Variants in TMED7 observed in about 807,000 individuals in gnomAD.
TMED7 encodes the protein transmembrane emp24 domain-containing protein 7.
In TMED7, 8 loss-of-function variants were observed where a neutral mutation model predicts 23.4. The observed-to-expected ratio is 0.34, with a 90% confidence interval of 0.20 to 0.62. TMED7 has a LOEUF of 0.62. TMED7 is among the 20% of genes least tolerant of loss of function. The pLI is 0.77. For missense variants in TMED7, 232 were observed against 279.1 expected, an observed-to-expected ratio of 0.83 and a Z score of 1.20; for synonymous variants, 121 against 108.5, an observed-to-expected ratio of 1.12 and a Z score of -0.72.
At chr5:115,618,044 G>A (rs950108626) in intron 2 of TMED7, among the ~76,000 whole-genome samples, 21 of 152,090 alleles carry the variant, frequency 1.4e-4, no homozygotes, top group African/African-American at 2.9e-4. Flanking sequence ...CGCCCGCCTC[G>A]GCCTCCCAAA....
In TMED7 at chr5:115,616,059, C is replaced by T; in HGVS notation, c.*150G>A. 1 of 779,320 alleles carries T rather than the reference C, an allele frequency of 1.3e-6. No individual in the cohort carries two copies. The allele number at this position is 779,320 out of a possible 1,614,324, so 48.3% of individuals were successfully genotyped here. ...CAAATAAAAAAAGGTGTCCTTTCCA[C>T]AGTTTGGGAATATGCATTGTACATC... On this transcript the variant is annotated 3_prime_UTR_variant, in exon 3 of 3. Coordinates refer to ENST00000456936, the MANE Select transcript of TMED7 (RefSeq NM_181836.6).
chr5:115,622,014 A>C (rs868017102), intron 1 of TMED7, among the ~76,000 whole-genome samples: 1 of 152,206 alleles, frequency 6.6e-6, no homozygotes, highest in African/African-American at 2.4e-5. Flanking sequence ...AAAATATGTA[A>C]ATGTTAATAT....
rs994815741 is a variant in TMED7, at chr5:115,616,436, C to G, written c.448G>C (p.Ala150Pro). The G allele has an allele frequency of 5.0e-6, 8 of 1,614,154 alleles. No homozygotes were observed. The highest frequency in any genetic ancestry group is 1.7e-5 in the Admixed American group (1 of 60,028). Residue 150 changes from alanine to proline, a missense_variant, in exon 3 of 3, where the codon GCC becomes CCC. By Grantham distance (27) the Ala-to-Pro change is conservative. This residue lies in a region of TMED7 where 126 missense variants were observed against 182.1 expected (regional missense o/e 0.69). Coordinates refer to ENST00000456936, the MANE Select transcript of TMED7 (RefSeq NM_181836.6). ...RVSALTQMESACVSIHEALKS... is the reference protein window; with the variant it reads ...RVSALTQMESPCVSIHEALKS... ...AGAGCTTCGTGAATTGAAACACAGG[C>G]AGATTCCATCTGCAGAGAAATATTT...
chr5:115,623,581 C>G (rs771151246), intron 1 of TMED7, among the ~76,000 whole-genome samples: 3 of 152,102 alleles, frequency 2.0e-5, no homozygotes, highest in Non-Finnish European at 4.4e-5. Context: ...TATTATTATT[C>G]AGTGTATTTT....
At position 115,625,866 on chromosome 5, in the gene TMED7, G is replaced by A; in HGVS notation, c.-74C>T. 3 of 1,332,310 alleles carry A rather than the reference G, an allele frequency of 2.3e-6. No homozygotes were observed. The highest frequency in any genetic ancestry group is 1.9e-6 in the Non-Finnish European group (2 of 1,048,362). The allele number at this position is 1,332,310 out of a possible 1,614,324, so 82.5% of individuals were successfully genotyped here. On this transcript the variant is annotated 5_prime_UTR_variant, in exon 1 of 3. Transcript: ENST00000456936. ...GGTCTGCGCGGACTCACCGCGCGCG[G>A]CAGGCCTCAGCGCAGGCCACCCCGC...
Position 115,616,321 on chromosome 5 carries a change from T to A in TMED7, c.563A>T (p.Tyr188Phe). 3 of 1,614,166 alleles carry A rather than the reference T, an allele frequency of 1.9e-6. No individual in the cohort carries two copies. The highest frequency in any genetic ancestry group is 2.5e-6 in the Non-Finnish European group (3 of 1,179,986). The part of the protein sequence containing the change: ...RAEDLNTRVA[Y>F]WSVGEALILL... ...AATGAGGGCTTCTCCTACTGACCAA[T>A]AGGCCACTCTTGTATTTAGATCCTC... Residue 188 changes from tyrosine to phenylalanine, a missense_variant, in exon 3 of 3, where the codon TAT (tyrosine) becomes TTT (phenylalanine). Physicochemically the swap from Tyr to Phe is conservative, Grantham distance 22. Around this residue, in one of 2 missense-constraint regions of TMED7, gnomAD observed 126 missense variants for 182.1 expected, o/e 0.69. Coordinates refer to ENST00000456936, the MANE Select transcript of TMED7 (RefSeq NM_181836.6).
chr5:115,622,754 A>G (rs1580458084), intron 1 of TMED7, among the ~76,000 whole-genome samples: 5 of 152,274 alleles, frequency 3.3e-5, no homozygotes, highest in Admixed American at 3.3e-4. Flanking sequence ...CCTCTTAACA[A>G]TGGTATACTA....
chr5:115,620,810 C>A, intron 1 of TMED7, 130 bp from the exon 2 acceptor site: 1 of 1,135,578 alleles, frequency 8.8e-7, no homozygotes. Flanking sequence ...AAATTTTCAC[C>A]AGTGGATGGA....
At position 115,625,987 on chromosome 5, in the gene TMED7, G is replaced by A. The variant is rs894504412; in HGVS notation, c.-195C>T. 3.6e-5 allele frequency: 25 copies of A among 696,828 alleles called. No individual in the cohort carries two copies. The highest frequency in any genetic ancestry group is 2.6e-5 in the Non-Finnish European group (13 of 494,068). The allele number at this position is 696,828 out of a possible 1,614,324, so 43.2% of individuals were successfully genotyped here. A position where few individuals can be genotyped will look rare whatever the true frequency, so the allele number is the denominator to read the frequency against. Reference sequence around the variant, plus strand: ...GAGGGGCGCAGACGGGCGGACCTGGGGAGGTAAAAGAGAAGCGGAAAAGGC... The same window carrying A: ...GAGGGGCGCAGACGGGCGGACCTGGAGAGGTAAAAGAGAAGCGGAAAAGGC... On this transcript the variant is annotated 5_prime_UTR_variant, in exon 1 of 3. Transcript: ENST00000456936.
intron 1 of TMED7, 54 bp from the exon 2 acceptor site, chr5:115,620,734 G>T (rs62371196): frequency 7.5e-7 from 1 of 1,331,822 alleles, no homozygotes; most frequent in Non-Finnish European, 9.7e-7. Flanking sequence ...AAATTAATCA[G>T]ATTTAATCAG....
Position 115,625,964 on chromosome 5 carries a change from G to A in TMED7, c.-172C>T. 3.2e-6 allele frequency: 3 copies of A among 947,340 alleles called. No individual in the cohort carries two copies. Among genetic ancestry groups the A allele is most frequent in the Non-Finnish European group, 4.2e-6 (3 of 719,840 alleles). 58.7% of individuals were successfully genotyped at this position (947,340 alleles called of 1,614,324 possible). On this transcript the variant is annotated 5_prime_UTR_variant, in exon 1 of 3. Coordinates refer to ENST00000456936, the MANE Select transcript of TMED7 (RefSeq NM_181836.6). ...AGAGCGACCCTCCGGCTTCCTGTGA[G>A]GGGCGCAGACGGGCGGACCTGGGGA...
intron 1 of TMED7, among the ~76,000 whole-genome samples, chr5:115,623,696 C>A (rs1757111507): frequency 6.6e-6 from 1 of 152,210 alleles, no homozygotes; most frequent in South Asian, 2.1e-4. Context: ...TCCTCTGCCG[C>A]CTTGTAGAGC....
intron 1 of TMED7, among the ~76,000 whole-genome samples, chr5:115,624,617 T>C (rs867129140): frequency 2.0e-5 from 3 of 152,174 alleles, no homozygotes; most frequent in Non-Finnish European, 4.4e-5. Flanking sequence ...CAAGACACTA[T>C]CTGGCCTGCC....
chr5:115,619,271 C>T (rs996575442), intron 2 of TMED7: 3 of 152,116 alleles, frequency 2.0e-5, no homozygotes, highest in African/African-American at 7.2e-5. Flanking sequence ...ATAAAGAGAA[C>T]ATTTCTAAAA....
In TMED7 at chr5:115,625,844, C is replaced by A. The variant is rs1005265020; in HGVS notation, c.-52G>T. ...CGAGCTGCGAGACGCAGGGTCAGGT[C>A]TGCGCGGACTCACCGCGCGCGGCAG... On this transcript the variant is annotated 5_prime_UTR_variant, in exon 1 of 3. Coordinates refer to ENST00000456936, the MANE Select transcript of TMED7 (RefSeq NM_181836.6). 5.9e-6 allele frequency: 8 copies of A among 1,350,008 alleles called. No individual in the cohort carries two copies. In the African/African-American group the frequency reaches 1.1e-4, roughly 18 times the overall value. 83.6% of individuals were successfully genotyped at this position (1,350,008 alleles called of 1,614,324 possible).
intron 1 of TMED7, among the ~76,000 whole-genome samples, chr5:115,625,114 C>T (rs907969940): frequency 6.6e-6 from 1 of 152,232 alleles, no homozygotes; most frequent in African/African-American, 2.4e-5. Context: ...CTTTCTACAA[C>T]TCCCTTGGCA....
At position 115,625,640 on chromosome 5, in the gene TMED7, C is replaced by G; in HGVS notation, c.153G>C (p.Glu51Asp). 1 of 1,601,162 alleles carries G rather than the reference C, an allele frequency of 6.2e-7. No individual in the cohort carries two copies. The highest frequency in any genetic ancestry group is 1.1e-5 in the South Asian group (1 of 89,128). The change falls in exon 1 of 3, where the codon GAG becomes GAC. Residue 51 changes from glutamate to aspartate, a missense_variant. By Grantham distance (45) the Glu-to-Asp change is conservative. Around this residue, in one of 2 missense-constraint regions of TMED7, gnomAD observed 106 missense variants for 97.0 expected, o/e 1.09. Transcript: ENST00000456936. Reference sequence around the variant, plus strand: ...TGCACTTGGTGCCCTGAGCGATGTCCTCGTAGAAGCACTGCTTGGCGTTGT... The same window carrying G: ...TGCACTTGGTGCCCTGAGCGATGTCGTCGTAGAAGCACTGCTTGGCGTTGT... ...LPDNAKQCFY[E>D]DIAQGTKCTL...
chr5:115,618,281 T>C (rs1190844684), intron 2 of TMED7, among the ~76,000 whole-genome samples: 1 of 152,222 alleles, frequency 6.6e-6, no homozygotes, highest in East Asian at 1.9e-4. Context: ...CAAATACTTT[T>C]ATACTTTATT....
Position 115,616,107 on chromosome 5 carries a change from A to G in TMED7, c.*102T>C. The stretch of plus-strand genomic sequence containing the variant: ...ATCCCTCCCAACAAGTGTATGAGTA[A>G]GGATTTAAAAATGTTGCCAATATTA... On this transcript the variant is annotated 3_prime_UTR_variant, in exon 3 of 3. Coordinates refer to ENST00000456936, the MANE Select transcript of TMED7 (RefSeq NM_181836.6). 9.0e-7 allele frequency: 1 copy of G among 1,115,434 alleles called. No homozygotes were observed. Among genetic ancestry groups the G allele is most frequent in the Non-Finnish European group, 1.3e-6 (1 of 751,634 alleles). 69.1% of individuals were successfully genotyped at this position (1,115,434 alleles called of 1,614,324 possible).
Sources: allele counts gnomAD v4.1 joint callset (sites outside exome capture counted in the v4.1 genomes callset), GRCh38; gene constraint gnomAD v4.1.1; regional missense constraint gnomAD v4.1.1; transcripts MANE v1.5; gene names NCBI Gene and HGNC (gene_info 2026-07-23, HGNC 2026-07-21).